MYO1D: variants seen among roughly 807,000 people sequenced by gnomAD.
The protein encoded by MYO1D is myosin ID, also known as unconventional myosin-Id.
MYO1D carries 83 observed loss-of-function variants against 122.0 expected under a neutral mutation model. That is an observed-to-expected ratio of 0.68 (90% CI 0.57 to 0.82). The LOEUF is 0.82. Ranked by LOEUF, MYO1D falls within the 40% of genes least tolerant of loss-of-function variation. MYO1D has a pLI of 0.00. For missense variants in MYO1D, 1,157 were observed against 1,269.5 expected (o/e 0.91, Z 1.35); for synonymous variants, 464 against 446.9 (o/e 1.04, Z -0.48).
chr17:32,530,276 T>G (rs756780602), intron 21 of MYO1D, among the ~76,000 whole-genome samples: 1 of 152,192 alleles, frequency 6.6e-6, no homozygotes, highest in Non-Finnish European at 1.5e-5. Context: ...CATTTAAAAA[T>G]GGCTTAGAAG....
In MYO1D at chr17:32,493,731, T is replaced by TA. The variant is rs1026484760; in HGVS notation, c.*1027dup. On this transcript the variant is annotated 3_prime_UTR_variant, in exon 22 of 22. Coordinates refer to ENST00000318217, the MANE Select transcript of MYO1D (RefSeq NM_015194.3). ...CGGGCGCAGGCCCCAAGGGGCCGTG[T>TA]AGAGGGCGGGGTGGGCATCCTGGCC... 60 of 152,298 alleles carry TA rather than the reference T, an allele frequency of 3.9e-4. No individual in the cohort carries two copies. Among genetic ancestry groups the TA allele is most frequent in the African/African-American group, 1.4e-3 (60 of 41,452 alleles). 9.4% of individuals were successfully genotyped at this position (152,298 alleles called of 1,614,324 possible).
intron 21 of MYO1D, 127 bp from the exon 22 acceptor site, chr17:32,495,042 C>T: frequency 4.2e-6 from 5 of 1,199,134 alleles, no homozygotes; most frequent in Non-Finnish European, 5.7e-6. Context: ...CAGGAGGATG[C>T]CTGAAGGGCC....
intron 21 of MYO1D, among the ~76,000 whole-genome samples, chr17:32,594,861 C>A (rs1161164818): frequency 6.6e-6 from 1 of 152,140 alleles, no homozygotes; most frequent in East Asian, 1.9e-4. Flanking sequence ...TATGAAACTG[C>A]TGATCTGAGT....
chr17:32,637,122 A>G (rs2088111673), intron 20 of MYO1D, among the ~76,000 whole-genome samples: 1 of 152,238 alleles, frequency 6.6e-6, no homozygotes, highest in South Asian at 2.1e-4. Flanking sequence ...CTTCGGTTCA[A>G]AGAGCTGTTT....
At chr17:32,566,474 T>C (rs578128604) in intron 21 of MYO1D, among the ~76,000 whole-genome samples, 132 of 152,046 alleles carry the variant, frequency 8.7e-4, no homozygotes, top group Middle Eastern at 3.4e-3. Flanking sequence ...AAAGCTGCTG[T>C]GGCCTGCAGG....
At chr17:32,590,297 C>T (rs547103629) in intron 21 of MYO1D, among the ~76,000 whole-genome samples, 1 of 152,330 alleles carries the variant, frequency 6.6e-6, no homozygotes, top group East Asian at 1.9e-4. Flanking sequence ...GAGCATCTCA[C>T]CTCATCCCCC....
rs995020635 is a variant in MYO1D at position 32,641,066 on chromosome 17, C to T, written c.2596-2231G>A. Among the ~76,000 whole-genome samples the T allele has an allele frequency of 4.7e-5, 7 of 148,788 alleles. 1 individual carries two copies. Among genetic ancestry groups the T allele is most frequent in the African/African-American group, 1.5e-4 (6 of 40,286 alleles). ...TCGTCATTTAAATTAGGTATATCTC[C>T]TAATGCTATCCCTCCCCCCTCCCCC... On this transcript the variant is annotated intron_variant, in intron 19 of 21. Transcript: ENST00000318217.
At chr17:32,524,708 GCC>G (rs1491563309) in intron 21 of MYO1D, among the ~76,000 whole-genome samples, 3 of 151,870 alleles carry the variant, frequency 2.0e-5, no homozygotes, top group Non-Finnish European at 4.4e-5. Context: ...GATTACAGGT[GCC>G]CACCACCATG....
At chr17:32,799,079 A>G (rs2090440098) in intron 1 of MYO1D, among the ~76,000 whole-genome samples, 1 of 152,204 alleles carries the variant, frequency 6.6e-6, no homozygotes, top group South Asian at 2.1e-4. Context: ...TTAGCCAGCC[A>G]GTCCTTTTCC....
intron 16 of MYO1D, among the ~76,000 whole-genome samples, chr17:32,698,425 A>G (rs1157183443): frequency 7.0e-6 from 1 of 142,206 alleles, no homozygotes; most frequent in African/African-American, 2.6e-5. Context: ...TCAATTTTAT[A>G]TGAGAAATAA....
intron 1 of MYO1D, among the ~76,000 whole-genome samples, chr17:32,826,642 A>G (rs2090725525): frequency 6.6e-6 from 1 of 152,222 alleles, no homozygotes; most frequent in African/African-American, 2.4e-5. Context: ...CCTGATATAG[A>G]AGACCGTGGA....
At chr17:32,624,918 G>C (rs1211690775) in intron 20 of MYO1D, among the ~76,000 whole-genome samples, 2 of 151,950 alleles carry the variant, frequency 1.3e-5, no homozygotes, top group Admixed American at 1.3e-4. Flanking sequence ...AGCCTCCCGA[G>C]TAGCTGGGAT....
intron 16 of MYO1D, among the ~76,000 whole-genome samples, chr17:32,661,760 C>A (rs1055538777): frequency 1.5e-4 from 23 of 152,118 alleles, no homozygotes; most frequent in Non-Finnish European, 3.2e-4. Flanking sequence ...AGCTCTCTCA[C>A]CATCATTCTT....
chr17:32,661,850 A>G (rs897311852), intron 16 of MYO1D, among the ~76,000 whole-genome samples: 3 of 152,202 alleles, frequency 2.0e-5, no homozygotes, highest in Non-Finnish European at 4.4e-5. Flanking sequence ...TGAATAATTT[A>G]CATATGATAT....
Position 32,703,463 on chromosome 17 carries a change from T to G in MYO1D, c.2121+8525A>C, listed in dbSNP as rs75075241. Among the ~76,000 whole-genome samples, 418 of 151,916 alleles carry G rather than the reference T, an allele frequency of 2.8e-3. 1 individual carries two copies. The highest frequency in any genetic ancestry group is 9.8e-3 in the African/African-American group (407 of 41,462). Reference sequence around the variant, plus strand: ...ATCCCTTTTGCTTGTTTTTTTTTTTTGAGATAGGGGTCTTGCTATATTGCC... The same window carrying G: ...ATCCCTTTTGCTTGTTTTTTTTTTTGGAGATAGGGGTCTTGCTATATTGCC... On this transcript the variant is annotated intron_variant, in intron 16 of 21. Coordinates refer to ENST00000318217, the MANE Select transcript of MYO1D (RefSeq NM_015194.3).
chr17:32,605,578 G>T (rs2087617299), intron 20 of MYO1D, among the ~76,000 whole-genome samples: 1 of 151,932 alleles, frequency 6.6e-6, no homozygotes. Context: ...AAACAATACA[G>T]AAAAATTAAT....
chr17:32,553,735 A>AT (rs1350744220), intron 21 of MYO1D, among the ~76,000 whole-genome samples: 1 of 151,996 alleles, frequency 6.6e-6, no homozygotes, highest in Non-Finnish European at 1.5e-5. Context: ...TTGGAATGTT[A>AT]TGTTCCTGAG....
intron 20 of MYO1D, among the ~76,000 whole-genome samples, chr17:32,609,624 T>G (rs773194926): frequency 1.3e-5 from 2 of 152,210 alleles, no homozygotes; most frequent in Non-Finnish European, 2.9e-5. Flanking sequence ...GGACTCATGT[T>G]CTTTCCATCA....
chr17:32,624,366 T>C (rs1239447878), intron 20 of MYO1D, among the ~76,000 whole-genome samples: 1 of 152,010 alleles, frequency 6.6e-6, no homozygotes, highest in Non-Finnish European at 1.5e-5. Flanking sequence ...TGGGGAGCTT[T>C]AATGCTTGCT....
Sources: allele counts gnomAD v4.1 joint callset (sites outside exome capture counted in the v4.1 genomes callset), GRCh38; gene constraint gnomAD v4.1.1; transcripts MANE v1.5; gene names NCBI Gene and HGNC (gene_info 2026-07-23, HGNC 2026-07-21).